ZNF763: variants seen among roughly 807,000 people sequenced by gnomAD.
ZNF763 encodes the protein DNA-binding protein.
In ZNF763, 33 loss-of-function variants were observed where a neutral mutation model predicts 38.0. The ratio of observed to expected loss-of-function variants is 0.87; its 90% CI spans 0.66 to 1.16. ZNF763 has a LOEUF of 1.16. Ranked by LOEUF, ZNF763 falls within the 50% of genes most tolerant of loss-of-function variation. The pLI is 0.00. For missense variants in ZNF763, 423 were observed against 469.1 expected, an observed-to-expected ratio of 0.90 and a Z score of 0.91; for synonymous variants, 155 against 160.1, an observed-to-expected ratio of 0.97 and a Z score of 0.24.
chr19:11,973,429 G>T (rs892535553), intron 1 of ZNF763, among the ~76,000 whole-genome samples: 2 of 151,848 alleles, frequency 1.3e-5, no homozygotes, highest in Non-Finnish European at 2.9e-5. Flanking sequence ...TGAGAGACAG[G>T]GTCTCAAACT....
chr19:11,965,355 C>A (rs1037954541), intron 1 of ZNF763, 144 bp downstream of exon 1: 2 of 1,164,740 alleles, frequency 1.7e-6, no homozygotes, highest in African/African-American at 1.5e-5. Flanking sequence ...GGCCCTCGGT[C>A]CCCTCGGCCG....
Position 11,979,120 on chromosome 19 carries a change from T to C in ZNF763, c.*11T>C, listed in dbSNP as rs778606732. The C allele has an allele frequency of 6.2e-7, 1 of 1,613,408 alleles. No homozygotes were observed. The highest frequency in any genetic ancestry group is 1.1e-5 in the South Asian group (1 of 91,000). Reference sequence around the variant, plus strand: ...AGAAAGACCTTATAAATGTTAGATATGTGGGAAAGGCCTTTATTCTGCCAA... The same window carrying C: ...AGAAAGACCTTATAAATGTTAGATACGTGGGAAAGGCCTTTATTCTGCCAA... On this transcript the variant is annotated 3_prime_UTR_variant, in exon 4 of 4. Transcript: ENST00000358987.
chr19:11,977,316 AT>A lies in ZNF763; in HGVS notation c.131-49del, dbSNP rs969425816. 1.8e-5 allele frequency: 29 copies of A among 1,605,972 alleles called. No homozygotes were observed. In the African/African-American group the frequency reaches 3.9e-4, roughly 22 times the overall value. ...TAAATCATAGACATAGAATCTAATAATTTTTTCACAGTTTTATATTGCTTCA... is the reference window on the plus strand; with the variant it reads ...TAAATCATAGACATAGAATCTAATAATTTTTCACAGTTTTATATTGCTTCA... On this transcript the variant is annotated intron_variant, in intron 2 of 3. Coordinates refer to ENST00000358987, the MANE Select transcript of ZNF763 (RefSeq NM_001367172.2).
chr19:11,977,149 A>T lies in ZNF763; in HGVS notation c.115A>T (p.Asn39Tyr). The part of the protein sequence containing the change: ...YREVMLETFR[N>Y]LTSIGKKWKD... ...GGAAGTGATGCTGGAAACTTTCAGG[A>T]ACCTGACCTCTATAGGTAAGGATGA... The change falls in exon 2 of 4, where the codon AAC becomes TAC. Residue 39 changes from asparagine to tyrosine, a missense_variant. Transcript: ENST00000358987. 1 of 1,614,124 alleles carries T rather than the reference A, an allele frequency of 6.2e-7. No homozygotes were observed. Among genetic ancestry groups the T allele is most frequent in the Non-Finnish European group, 8.5e-7 (1 of 1,180,014 alleles).
chr19:11,976,944 G>A (rs1685262717), intron 1 of ZNF763, 94 bp from the exon 2 acceptor site: 1 of 1,574,388 alleles, frequency 6.4e-7, no homozygotes, highest in African/African-American at 1.4e-5. Flanking sequence ...GGGAATAAAT[G>A]TTTGGAGTCC....
chr19:11,973,672 A>T (rs1033556150), intron 1 of ZNF763, among the ~76,000 whole-genome samples: 4 of 151,902 alleles, frequency 2.6e-5, no homozygotes, highest in African/African-American at 7.2e-5. Flanking sequence ...GCTTGAGGCC[A>T]TCAGTTAGAG....
intron 1 of ZNF763, among the ~76,000 whole-genome samples, chr19:11,967,654 C>T (rs190241130): frequency 2.6e-5 from 4 of 152,188 alleles, no homozygotes; most frequent in Non-Finnish European, 4.4e-5. Context: ...CCACCCACCT[C>T]GGCCTCCCAA....
chr19:11,967,454 G>T (rs546727411), intron 1 of ZNF763, among the ~76,000 whole-genome samples: 252 of 152,218 alleles, frequency 1.7e-3, no homozygotes, highest in Non-Finnish European at 3.0e-3. Context: ...GCCCAGGCTG[G>T]AGTGCAGTGG....
chr19:11,976,895 A>C, intron 1 of ZNF763, 143 bp from the exon 2 acceptor site: 1 of 1,516,700 alleles, frequency 6.6e-7, no homozygotes, highest in Non-Finnish European at 8.8e-7. Context: ...TTATGGAAGA[A>C]AGTACAGAAA....
In ZNF763 at chr19:11,978,621, T is replaced by C. The variant is rs1288511760; in HGVS notation, c.697T>C (p.Cys233Arg). 1.2e-6 allele frequency: 2 copies of C among 1,614,178 alleles called. No individual in the cohort carries two copies. Among genetic ancestry groups the C allele is most frequent in the South Asian group, 1.1e-5 (1 of 91,080 alleles). ...AGAGAAACCGTATGAATGTAAACAATGTGTTAAATCCTTTAGTTATTCTGC... is the reference window on the plus strand; with the variant it reads ...AGAGAAACCGTATGAATGTAAACAACGTGTTAAATCCTTTAGTTATTCTGC... ...TGEKPYECKQ[C>R]VKSFSYSATH... The change falls in exon 4 of 4, where the codon TGT (cysteine) becomes CGT (arginine). Residue 233 changes from cysteine (C) to arginine (R), a missense_variant. Coordinates refer to ENST00000358987, the MANE Select transcript of ZNF763 (RefSeq NM_001367172.2).
At chr19:11,974,214 T>C (rs1489712430) in intron 1 of ZNF763, among the ~76,000 whole-genome samples, 1 of 149,998 alleles carries the variant, frequency 6.7e-6, no homozygotes, top group Non-Finnish European at 1.5e-5. Flanking sequence ...TTTTGTTTTT[T>C]GTTTTGTGTC....
In ZNF763 at chr19:11,979,005, A is replaced by T. The variant is rs763211708; in HGVS notation, c.1081A>T (p.Thr361Ser). Residue 361 changes from threonine (T) to serine (S), a missense_variant, in exon 4 of 4, where the codon ACC becomes TCC. Transcript: ENST00000358987. ...CAGTTCCCTTCGTAGACATGAAAGG[A>T]CCCACTCTGCGAAAAAACCTTATGA... The part of the protein sequence containing the change: ...YPSSLRRHER[T>S]HSAKKPYECK... 1 of 1,614,228 alleles carries T rather than the reference A, an allele frequency of 6.2e-7. No individual in the cohort carries two copies. Among genetic ancestry groups the T allele is most frequent in the East Asian group, 2.2e-5 (1 of 44,882 alleles).
At chr19:11,974,078 TTTC>T (rs1301684613) in intron 1 of ZNF763, among the ~76,000 whole-genome samples, 2 of 62,714 alleles carry the variant, frequency 3.2e-5, no homozygotes, top group Non-Finnish European at 6.3e-5. Flanking sequence ...CTTTTCTTTC[TTTC>T]TTTCTTTCTT....
intron 1 of ZNF763, among the ~76,000 whole-genome samples, chr19:11,971,837 A>T (rs1050204279): frequency 1.3e-5 from 2 of 152,098 alleles, no homozygotes; most frequent in African/African-American, 4.8e-5. Flanking sequence ...GCCAATGTGG[A>T]TGGATAGCCT....
chr19:11,965,113 C>G lies in ZNF763; in HGVS notation c.-96C>G. The G allele has an allele frequency of 6.5e-7, 1 of 1,539,534 alleles. No homozygotes were observed. The highest frequency in any genetic ancestry group is 2.3e-5 in the East Asian group (1 of 44,364). On this transcript the variant is annotated 5_prime_UTR_variant, in exon 1 of 4. Transcript: ENST00000358987. The stretch of plus-strand genomic sequence containing the variant: ...TCCATCCCCGAGAGGGACCTGGTAC[C>G]TCTACCCAGGTTTCTATCGCTCTGT...
In ZNF763 at chr19:11,979,047, A is replaced by G; in HGVS notation, c.1123A>G (p.Lys375Glu). 7 of 1,614,248 alleles carry G rather than the reference A, an allele frequency of 4.3e-6. No individual in the cohort carries two copies. The highest frequency in any genetic ancestry group is 1.3e-5 in the African/African-American group (1 of 75,066). The change falls in exon 4 of 4, where the codon AAA becomes GAA. Residue 375 changes from lysine to glutamate, a missense_variant. Coordinates refer to ENST00000358987, the MANE Select transcript of ZNF763 (RefSeq NM_001367172.2). The stretch of plus-strand genomic sequence containing the variant: ...ACCTTATGAATGTAAGCAGTGTGGG[A>G]AAGCATTATCTTATAAGTTTTCAAA... ...KKPYECKQCG[K>E]ALSYKFSNTP...
intron 3 of ZNF763, among the ~76,000 whole-genome samples, 158 bp from the exon 4 acceptor site, chr19:11,977,958 T>G (rs1267432763): frequency 1.3e-5 from 2 of 152,228 alleles, no homozygotes; most frequent in Non-Finnish European, 2.9e-5. Context: ...GGTATGACTA[T>G]GTCACCTTGT....
At position 11,980,209 on chromosome 19, in the gene ZNF763, T is replaced by A; in HGVS notation, c.*1100T>A. 2.2e-6 allele frequency: 1 copy of A among 449,562 alleles called. No individual in the cohort carries two copies. Among genetic ancestry groups the A allele is most frequent in the Non-Finnish European group, 4.0e-6 (1 of 252,142 alleles). 27.8% of individuals were successfully genotyped at this position (449,562 alleles called of 1,614,324 possible). On this transcript the variant is annotated 3_prime_UTR_variant, in exon 4 of 4. Coordinates refer to ENST00000358987, the MANE Select transcript of ZNF763 (RefSeq NM_001367172.2). Reference sequence around the variant, plus strand: ...GGCCTGATCAATATGATGAAACCCCTGTCTCTACTAAAACTACAAAAATTG... The same window carrying A: ...GGCCTGATCAATATGATGAAACCCCAGTCTCTACTAAAACTACAAAAATTG...
At chr19:11,975,085 A>C (rs1304257994) in intron 1 of ZNF763, among the ~76,000 whole-genome samples, 6 of 151,860 alleles carry the variant, frequency 4.0e-5, no homozygotes, top group Non-Finnish European at 8.8e-5. Context: ...GTACGGGCCA[A>C]GATGTTATTT....
Sources: allele counts gnomAD v4.1 joint callset (sites outside exome capture counted in the v4.1 genomes callset), GRCh38; gene constraint gnomAD v4.1.1; transcripts MANE v1.5; gene names NCBI Gene and HGNC (gene_info 2026-07-23, HGNC 2026-07-21).